TPM2: variants seen among roughly 807,000 people sequenced by gnomAD.
TPM2 encodes tropomyosin beta chain.
A neutral mutation model predicts 41.0 loss-of-function variants in TPM2; 26 were observed. That is an observed-to-expected ratio of 0.63 (90% CI 0.46 to 0.88). The LOEUF (loss-of-function observed/expected upper bound fraction) is 0.88, where lower values mean the gene tolerates loss of function less well. Ranked by LOEUF, TPM2 falls within the 40% of genes least tolerant of loss-of-function variation. TPM2 has a pLI of 0.00. For missense variants in TPM2, 187 were observed against 355.2 expected, an observed-to-expected ratio of 0.53 and a Z score of 3.81; for synonymous variants, 143 against 139.3, an observed-to-expected ratio of 1.03 and a Z score of -0.19.
chr9:35,685,186 C>A lies in TPM2; in HGVS notation c.563+83G>T. 1 of 1,614,078 alleles carries A rather than the reference C, an allele frequency of 6.2e-7. No homozygotes were observed. The highest frequency in any genetic ancestry group is 1.3e-5 in the African/African-American group (1 of 75,016). On this transcript the variant is annotated intron_variant, in intron 5 of 8. Coordinates refer to ENST00000645482, the MANE Select transcript of TPM2 (RefSeq NM_003289.4). The surrounding 1 kb of genome is among the most constrained non-coding windows in gnomAD (Gnocchi z 5.0). ...CAGAGAACAGGGCCTGTCCCTACAG[C>A]CCCAAGCCTAGGATGCTACCTTCCC...
In TPM2 at chr9:35,689,894, C is replaced by G. The variant is rs541366877; in HGVS notation, c.-77G>C. On this transcript the variant is annotated 5_prime_UTR_variant, in exon 1 of 9. Coordinates refer to ENST00000645482, the MANE Select transcript of TPM2 (RefSeq NM_003289.4). ...GGGCTGGGTGAGCGGACTGGGTGCA[C>G]CGGTGGCAGGCGAGGAGGACGGAGC... The G allele has an allele frequency of 6.2e-7, 1 of 1,607,950 alleles. No homozygotes were observed. Among genetic ancestry groups the G allele is most frequent in the Non-Finnish European group, 8.5e-7 (1 of 1,178,326 alleles).
Position 35,689,158 on chromosome 9 carries a change from C to T in TPM2, c.228G>A (p.Lys76=). Residue 76 remains lysine (K), a synonymous_variant, in exon 2 of 9, where the codon AAG becomes AAA. Transcript: ENST00000645482. ...EAQEKLEQAE[K]KATDAEADVA... ...AGTCCACACTCACATCAGTGGCCTT[C>T]TTCTCGGCCTGCTCCAGTTTCTCCT... 6.2e-7 allele frequency: 1 copy of T among 1,614,236 alleles called. No homozygotes were observed. The highest frequency in any genetic ancestry group is 2.2e-5 in the East Asian group (1 of 44,872).
downstream of TPM2, chr9:35,682,333 A>C: frequency 2.1e-6 from 2 of 957,586 alleles, no homozygotes; most frequent in Non-Finnish European, 1.6e-6. Context: ...GACTAGGATG[A>C]GGGGAACAGG....
Position 35,689,858 on chromosome 9 carries a change from CCGGACGGACTG to C in TPM2, c.-52_-42del, listed in dbSNP as rs1315793485. ...TGGGCCGGCCGGCAGGCGGTGAGGA[CCGGACGGACTG>C]GGCTGGGTGAGCGGACTGGGTGCAC... On this transcript the variant is annotated 5_prime_UTR_variant, in exon 1 of 9. Coordinates refer to ENST00000645482, the MANE Select transcript of TPM2 (RefSeq NM_003289.4). The C allele has an allele frequency of 6.2e-7, 1 of 1,612,574 alleles. No homozygotes were observed. Among genetic ancestry groups the C allele is most frequent in the East Asian group, 2.2e-5 (1 of 44,826 alleles).
At position 35,685,256 on chromosome 9, in the gene TPM2, C is replaced by CG; in HGVS notation, c.563+12dup. 1.2e-6 allele frequency: 2 copies of CG among 1,614,226 alleles called. No individual in the cohort carries two copies. The highest frequency in any genetic ancestry group is 2.2e-5 in the South Asian group (2 of 91,086). On this transcript the variant is annotated intron_variant, in intron 5 of 8. Coordinates refer to ENST00000645482, the MANE Select transcript of TPM2 (RefSeq NM_003289.4). The surrounding 1 kb of genome is among the most constrained non-coding windows in gnomAD (Gnocchi z 5.0). ...GGCCAATGGGCTCACTTGTCACCCC[C>CG]GGGTATCTTTACCTCTCGGCCACCT...
At chr9:35,682,258 G>T (rs10972558), downstream of TPM2, 4 of 1,332,854 alleles carry the variant, frequency 3.0e-6, no homozygotes, top group Non-Finnish European at 4.3e-6. Flanking sequence ...GACATGGAGT[G>T]GGTCAAGGAA....
intron 2 of TPM2, among the ~76,000 whole-genome samples, chr9:35,688,356 T>C (rs1825058991): frequency 6.6e-6 from 1 of 151,954 alleles, no homozygotes; most frequent in Non-Finnish European, 1.5e-5. Flanking sequence ...CAATCCTGGG[T>C]GGAAGGAAGA....
At chr9:35,689,441 A>G (rs939519371) in intron 1 of TPM2, 170 bp from the exon 2 acceptor site, 1 of 964,516 alleles carries the variant, frequency 1.0e-6, no homozygotes. Flanking sequence ...TTGAGGGTAC[A>G]GAGAAAACTT....
chr9:35,682,299 T>C (rs11998), downstream of TPM2: 38 of 1,044,780 alleles, frequency 3.6e-5, 1 homozygote, highest in Non-Finnish European at 5.3e-5. Context: ...TCAGGGCCCC[T>C]TGGCAGGGAC....
chr9:35,689,713 G>T lies in TPM2; in HGVS notation c.105C>A (p.Arg35=), dbSNP rs778923820. 3.1e-6 allele frequency: 5 copies of T among 1,613,610 alleles called. No individual in the cohort carries two copies. Among genetic ancestry groups the T allele is most frequent in the Non-Finnish European group, 4.2e-6 (5 of 1,179,760 alleles). The change falls in exon 1 of 9, where the codon CGC becomes CGA. Residue 35 remains arginine (R), a synonymous_variant. Transcript: ENST00000645482. ...AEADKKQAED[R]CKQLEEEQQA... Reference sequence around the variant, plus strand: ...TGGGCCCGGCCCTAACCTGCTTGCAGCGGTCCTCAGCTTGCTTCTTGTCGG... The same window carrying T: ...TGGGCCCGGCCCTAACCTGCTTGCATCGGTCCTCAGCTTGCTTCTTGTCGG...
chr9:35,683,345 A>G, intron 8 of TPM2, 104 bp from the exon 9 acceptor site: 1 of 1,154,054 alleles, frequency 8.7e-7, no homozygotes, highest in Non-Finnish European at 1.3e-6. Context: ...ACAGAATCAG[A>G]GGTACACAAA....
rs1203401177 is a variant in TPM2 at position 35,684,230 on chromosome 9, T to C, written c.772+16A>G. 3.7e-6 allele frequency: 6 copies of C among 1,613,476 alleles called. No homozygotes were observed. The highest frequency in any genetic ancestry group is 1.7e-5 in the Admixed American group (1 of 60,004). ...ATCACGGCAGGTGTGGACCTACTTA[T>C]AAAGGCTTCTTTTACCTTCTAGGTC... is the stretch of plus-strand genomic sequence containing the variant. On this transcript the variant is annotated intron_variant, in intron 8 of 8. Transcript: ENST00000645482.
At chr9:35,682,048 C>A, downstream of TPM2, 6 of 1,612,034 alleles carry the variant, frequency 3.7e-6, no homozygotes, top group South Asian at 1.1e-5. Flanking sequence ...GTTGGGGTGG[C>A]AACCATAGCC....
downstream of TPM2, chr9:35,682,216 G>T: frequency 6.3e-7 from 1 of 1,580,408 alleles, no homozygotes; most frequent in Non-Finnish European, 8.7e-7. Flanking sequence ...GGGGAGACGT[G>T]GGGAGGCAGG....
rs1587967432 is a variant in TPM2 at position 35,689,698 on chromosome 9, C to T, written c.114+6G>A. The T allele has an allele frequency of 1.9e-6, 3 of 1,613,138 alleles. No individual in the cohort carries two copies. Among genetic ancestry groups the T allele is most frequent in the Non-Finnish European group, 2.5e-6 (3 of 1,179,738 alleles). On this transcript the variant is annotated splice_donor_region_variant and intron_variant, in intron 1 of 8. Coordinates refer to ENST00000645482, the MANE Select transcript of TPM2 (RefSeq NM_003289.4). ...GAGAGCAGGCTGCACTGGGCCCGGCCCTAACCTGCTTGCAGCGGTCCTCAG... is the reference window on the plus strand; with the variant it reads ...GAGAGCAGGCTGCACTGGGCCCGGCTCTAACCTGCTTGCAGCGGTCCTCAG...
At chr9:35,689,347 G>GC in intron 1 of TPM2, 76 bp from the exon 2 acceptor site, 1 of 1,591,920 alleles carries the variant, frequency 6.3e-7, no homozygotes, top group South Asian at 1.1e-5. Flanking sequence ...GTGTGTAGGG[G>GC]CGCTACTAAG....
chr9:35,683,560 G>A (rs1040042696), intron 8 of TPM2, among the ~76,000 whole-genome samples: 6 of 152,212 alleles, frequency 3.9e-5, no homozygotes, highest in Admixed American at 3.9e-4. Flanking sequence ...GAGGGTGCTG[G>A]AGCCAGAAAG....
chr9:35,684,897 G>C, intron 5 of TPM2, 90 bp from the exon 6 acceptor site: 1 of 1,611,858 alleles, frequency 6.2e-7, no homozygotes, highest in Non-Finnish European at 8.5e-7. Flanking sequence ...GGGTGGAGGA[G>C]AGAAGAGAAG....
At chr9:35,683,375 G>C in intron 8 of TPM2, 134 bp from the exon 9 acceptor site, 6 of 869,806 alleles carry the variant, frequency 6.9e-6, no homozygotes, top group Non-Finnish European at 9.1e-6. Flanking sequence ...AGAGAGGGAG[G>C]CCAGGGAACA....
Sources: allele counts gnomAD v4.1 joint callset (sites outside exome capture counted in the v4.1 genomes callset), GRCh38; gene constraint gnomAD v4.1.1; non-coding constraint Gnocchi (gnomAD v3.1); transcripts MANE v1.5; gene names NCBI Gene and HGNC (gene_info 2026-07-23, HGNC 2026-07-21).